Variants in KIAA0319 observed in about 807,000 individuals in gnomAD.
KIAA0319 encodes dyslexia-associated protein KIAA0319.
A neutral mutation model predicts 108.4 loss-of-function variants in KIAA0319; 83 were observed. The observed-to-expected ratio is 0.77, with a 90% CI of 0.64 to 0.92. KIAA0319 has a LOEUF of 0.92. Ranked by LOEUF, KIAA0319 falls within the 40% of genes least tolerant of loss-of-function variation. The pLI is 0.00. For missense variants in KIAA0319, 1,195 were observed against 1,322.4 expected, an observed-to-expected ratio of 0.90 and a Z score of 1.49; for synonymous variants, 484 against 510.4, an observed-to-expected ratio of 0.95 and a Z score of 0.70.
At chr6:24,628,277 A>T (rs1774999837) in intron 1 of KIAA0319, among the ~76,000 whole-genome samples, 1 of 151,914 alleles carries the variant, frequency 6.6e-6, no homozygotes, top group African/African-American at 2.4e-5. Flanking sequence ...CTTTTTAAGA[A>T]TTTTTTTGCT....
intron 1 of KIAA0319, among the ~76,000 whole-genome samples, chr6:24,627,021 A>G (rs547958387): frequency 6.6e-6 from 1 of 152,322 alleles, no homozygotes; most frequent in Non-Finnish European, 1.5e-5. Context: ...TGAGCACTTC[A>G]CAAAGACATT....
intron 1 of KIAA0319, among the ~76,000 whole-genome samples, chr6:24,608,712 C>T (rs1289345162): frequency 6.6e-6 from 1 of 151,552 alleles, no homozygotes; most frequent in African/African-American, 2.4e-5. Context: ...GGGCGGATCA[C>T]GAGGTCAGGA....
At position 24,596,517 on chromosome 6, in the gene KIAA0319, G is replaced by A; in HGVS notation, c.157C>T (p.Pro53Ser). The A allele has an allele frequency of 6.2e-7, 1 of 1,614,066 alleles. No individual in the cohort carries two copies. Among genetic ancestry groups the A allele is most frequent in the Non-Finnish European group, 8.5e-7 (1 of 1,180,016 alleles). Residue 53 changes from proline to serine, a missense_variant, in exon 3 of 21, where the codon CCT (proline) becomes TCT (serine). By Grantham distance (74) the Pro-to-Ser change is moderately conservative. Transcript: ENST00000378214. ...TRIMRVSHTF[P>S]VVDCTAACCD... is the part of the protein sequence containing the mutation. ...CAAGCGGCCGTGCAGTCTACGACAG[G>A]GAAGGTGTGAGACACCCGCATGATT...
intron 1 of KIAA0319, among the ~76,000 whole-genome samples, chr6:24,627,097 C>A (rs1774818656): frequency 6.6e-6 from 1 of 152,136 alleles, no homozygotes; most frequent in Non-Finnish European, 1.5e-5. Flanking sequence ...AATTGTTTTT[C>A]TTTCTACTTT....
intron 2 of KIAA0319, chr6:24,598,919 G>A: frequency 2.1e-6 from 1 of 468,836 alleles, no homozygotes; most frequent in East Asian, 3.7e-5. Context: ...TAGCGATGGA[G>A]AATGAATTTG....
At chr6:24,572,864 C>T (rs1368946472) in intron 10 of KIAA0319, among the ~76,000 whole-genome samples, 166 bp from the exon 11 acceptor site, 1 of 152,000 alleles carries the variant, frequency 6.6e-6, no homozygotes, top group Non-Finnish European at 1.5e-5. Context: ...ATCTGTAATC[C>T]CAGCACTTTA....
chr6:24,555,328 G>T (rs1037658309), intron 18 of KIAA0319, among the ~76,000 whole-genome samples: 14 of 151,832 alleles, frequency 9.2e-5, no homozygotes, highest in African/African-American at 2.9e-4. Flanking sequence ...AAAACCCTGT[G>T]TCTACTAAAA....
intron 4 of KIAA0319, among the ~76,000 whole-genome samples, chr6:24,586,609 T>C (rs889157705): frequency 6.6e-6 from 1 of 152,218 alleles, no homozygotes; most frequent in Non-Finnish European, 1.5e-5. Context: ...TAGTTCAAGA[T>C]GCTATATAAG....
At chr6:24,560,039 A>G (rs1258387709) in intron 16 of KIAA0319, among the ~76,000 whole-genome samples, 1 of 152,202 alleles carries the variant, frequency 6.6e-6, no homozygotes, top group East Asian at 1.9e-4. Flanking sequence ...TCAATACTTT[A>G]TTCCTTTTTA....
At chr6:24,558,680 A>G (rs1314589571) in intron 17 of KIAA0319, among the ~76,000 whole-genome samples, 1 of 152,256 alleles carries the variant, frequency 6.6e-6, no homozygotes, top group Non-Finnish European at 1.5e-5. Flanking sequence ...AACCTAAGGC[A>G]TGATGTCCAA....
rs1472223546 is a variant in KIAA0319, at chr6:24,569,035, A to T, written c.1992-106T>A. 1.8e-6 allele frequency: 2 copies of T among 1,135,780 alleles called. 1 individual carries two copies. Among genetic ancestry groups the T allele is most frequent in the African/African-American group, 3.1e-5 (2 of 64,874 alleles). 70.4% of individuals were successfully genotyped at this position (1,135,780 alleles called of 1,614,324 possible). A position where few individuals can be genotyped will look rare whatever the true frequency, so the allele number is the denominator to read the frequency against. ...AAATGTTTTGTTCCAGCTATAATAT[A>T]TACCATTTAGAGAATTCTAAGAAAA... On this transcript the variant is annotated intron_variant, in intron 12 of 20. Coordinates refer to ENST00000378214, the MANE Select transcript of KIAA0319 (RefSeq NM_014809.4).
chr6:24,571,676 C>T (rs535014279), intron 11 of KIAA0319, among the ~76,000 whole-genome samples: 4 of 152,288 alleles, frequency 2.6e-5, no homozygotes, highest in East Asian at 1.9e-4. Context: ...TTTAAATCTT[C>T]GAATGTACCA....
chr6:24,574,205 GAGA>G (rs933073347), intron 10 of KIAA0319, among the ~76,000 whole-genome samples: 2 of 152,100 alleles, frequency 1.3e-5, no homozygotes, highest in African/African-American at 4.8e-5. Flanking sequence ...AGGCCAAGGC[GAGA>G]AGATTTCTTG....
chr6:24,559,275 G>T (rs1225608049), intron 16 of KIAA0319, 120 bp from the exon 17 acceptor site: 1 of 1,090,186 alleles, frequency 9.2e-7, no homozygotes, highest in Non-Finnish European at 1.3e-6. Context: ...TCTGTGGCTT[G>T]CCAAGGACAG....
At chr6:24,582,192 C>G in intron 6 of KIAA0319, 57 bp downstream of exon 6, 1 of 981,826 alleles carries the variant, frequency 1.0e-6, no homozygotes, top group East Asian at 2.4e-5. Flanking sequence ...AAGGTATTAA[C>G]TGAGCTCTAT....
intron 4 of KIAA0319, 51 bp from the exon 5 acceptor site, chr6:24,583,753 C>T: frequency 4.5e-6 from 5 of 1,105,968 alleles, no homozygotes; most frequent in Non-Finnish European, 5.5e-6. Flanking sequence ...TAATGTGTTA[C>T]ATTACTGCTC....
Position 24,545,634 on chromosome 6 carries a change from G to A in KIAA0319, c.*1531C>T, listed in dbSNP as rs1169587302. On this transcript the variant is annotated 3_prime_UTR_variant, in exon 21 of 21. Coordinates refer to ENST00000378214, the MANE Select transcript of KIAA0319 (RefSeq NM_014809.4). Reference sequence around the variant, plus strand: ...AAAGCAATTATTTTAAAAATAAAATGACACACTTTTTAGTTCTGCCTTTCC... The same window carrying A: ...AAAGCAATTATTTTAAAAATAAAATAACACACTTTTTAGTTCTGCCTTTCC... The A allele has an allele frequency of 6.6e-6, 1 of 152,114 alleles. No homozygotes were observed. The highest frequency in any genetic ancestry group is 1.9e-4 in the East Asian group (1 of 5,196). The allele number at this position is 152,114 out of a possible 1,614,324, so 9.4% of individuals were successfully genotyped here.
intron 3 of KIAA0319, among the ~76,000 whole-genome samples, chr6:24,592,548 G>A (rs766894628): frequency 6.6e-6 from 1 of 152,172 alleles, no homozygotes; most frequent in African/African-American, 2.4e-5. Flanking sequence ...TTACAGTTGT[G>A]CATCAGTGTA....
At chr6:24,569,145 G>C (rs1764310025) in intron 12 of KIAA0319, among the ~76,000 whole-genome samples, 1 of 152,178 alleles carries the variant, frequency 6.6e-6, no homozygotes. Context: ...TTACTGGGAA[G>C]AGAATATTTG....
Sources: allele counts gnomAD v4.1 joint callset (sites outside exome capture counted in the v4.1 genomes callset), GRCh38; gene constraint gnomAD v4.1.1; transcripts MANE v1.5; gene names NCBI Gene and HGNC (gene_info 2026-07-23, HGNC 2026-07-21).